DLGAP2: variants seen among roughly 807,000 people sequenced by gnomAD.
DLGAP2 encodes disks large-associated protein 2.
DLGAP2 carries 26 observed loss-of-function variants against 100.3 expected under a neutral mutation model. The observed-to-expected ratio is 0.26, with a 90% CI of 0.19 to 0.36. The LOEUF (loss-of-function observed/expected upper bound fraction) is 0.36. Among genes scored for constraint, DLGAP2 ranks in the 10% least tolerant of loss-of-function variants. The pLI is 1.00. For synonymous variants in DLGAP2, 886 were observed against 630.1 expected, an observed-to-expected ratio of 1.41 and a Z score of -6.08; for missense variants, 1,858 against 1,453.2, an observed-to-expected ratio of 1.28 and a Z score of -4.53.
chr8:1,159,890 A>G (rs1796857227), intron 2 of DLGAP2, among the ~76,000 whole-genome samples: 1 of 152,230 alleles, frequency 6.6e-6, no homozygotes, highest in Non-Finnish European at 1.5e-5. Context: ...TGAAGGAGGC[A>G]TGGACACCAG....
At chr8:800,397 A>G (rs1041503533) in intron 1 of DLGAP2, among the ~76,000 whole-genome samples, 46 of 152,240 alleles carry the variant, frequency 3.0e-4, no homozygotes, top group African/African-American at 1.1e-3. Flanking sequence ...TGTTTGCACA[A>G]TGAGTTTAGA....
chr8:1,001,371 A>G (rs1421198048), intron 2 of DLGAP2, among the ~76,000 whole-genome samples: 1 of 152,224 alleles, frequency 6.6e-6, no homozygotes, highest in Non-Finnish European at 1.5e-5. Context: ...GTATTCATTT[A>G]TGTCTAATTT....
rs74384982 is a variant in DLGAP2, at chr8:1,430,920, C to G, written c.107-70446C>G. On this transcript the variant is annotated intron_variant, in intron 3 of 14. Transcript: ENST00000637795. ...GAAAAGATCTGGTTTCCTATTCTGA[C>G]TCGGCTGTTGACTGTCTCTGGGGTT... Among the ~76,000 whole-genome samples, 1,209 of 152,304 alleles carry G rather than the reference C, an allele frequency of 7.9e-3. 20 individuals are homozygous for G. The highest frequency in any genetic ancestry group is 0.028 in the African/African-American group (1,144 of 41,536).
At chr8:1,274,091 G>A (rs924301021) in intron 3 of DLGAP2, among the ~76,000 whole-genome samples, 9 of 151,700 alleles carry the variant, frequency 5.9e-5, no homozygotes, top group South Asian at 2.1e-4. Flanking sequence ...TCAGCATATC[G>A]GAATTTGCAA....
intron 3 of DLGAP2, among the ~76,000 whole-genome samples, chr8:1,496,773 A>T (rs911645923): frequency 1.3e-5 from 2 of 152,164 alleles, no homozygotes; most frequent in Non-Finnish European, 2.9e-5. Flanking sequence ...CACGCTCTCC[A>T]GGCGGCACCC....
At chr8:1,524,334 G>A (rs1023505630) in intron 4 of DLGAP2, among the ~76,000 whole-genome samples, 5 of 152,110 alleles carry the variant, frequency 3.3e-5, no homozygotes, top group African/African-American at 1.2e-4. Context: ...TGCTGACTGG[G>A]AGGAAGGAGC....
chr8:857,756 A>G (rs1163324098), intron 1 of DLGAP2, among the ~76,000 whole-genome samples: 1 of 152,182 alleles, frequency 6.6e-6, no homozygotes, highest in African/African-American at 2.4e-5. Flanking sequence ...GCCACACTGA[A>G]GACCGCTAGG....
chr8:1,470,453 C>G (rs569554708), intron 3 of DLGAP2, among the ~76,000 whole-genome samples: 2 of 152,222 alleles, frequency 1.3e-5, no homozygotes, highest in South Asian at 2.1e-4. Context: ...AATATCATCC[C>G]TGCTGAAATC....
At chr8:779,614 C>A (rs1372686737) in intron 1 of DLGAP2, among the ~76,000 whole-genome samples, 1 of 152,014 alleles carries the variant, frequency 6.6e-6, no homozygotes, top group Non-Finnish European at 1.5e-5. Context: ...CAGGCATAAG[C>A]CACCATGCCT....
At chr8:1,408,941 C>T (rs1177374005) in intron 3 of DLGAP2, among the ~76,000 whole-genome samples, 2 of 152,364 alleles carry the variant, frequency 1.3e-5, no homozygotes, top group South Asian at 2.1e-4. Context: ...TTGTTGGAGA[C>T]AGTGGACATT....
At chr8:1,050,022 G>A (rs1585013877) in intron 2 of DLGAP2, among the ~76,000 whole-genome samples, 1 of 152,232 alleles carries the variant, frequency 6.6e-6, no homozygotes, top group East Asian at 1.9e-4. Context: ...GTACACACAT[G>A]CGGATATGTG....
At chr8:1,551,171 T>G (rs1381698960) in intron 5 of DLGAP2, among the ~76,000 whole-genome samples, 2 of 152,260 alleles carry the variant, frequency 1.3e-5, no homozygotes, top group Non-Finnish European at 2.9e-5. Flanking sequence ...GCATAAAATA[T>G]TATTTTATAG....
At chr8:783,254 C>T (rs1014805224) in intron 1 of DLGAP2, among the ~76,000 whole-genome samples, 1 of 152,162 alleles carries the variant, frequency 6.6e-6, no homozygotes, top group Non-Finnish European at 1.5e-5. Flanking sequence ...AGAAATACTA[C>T]AGAGAATGGT....
chr8:740,200 G>A (rs367595578), intron 1 of DLGAP2: 3 of 152,180 alleles, frequency 2.0e-5, no homozygotes, highest in Non-Finnish European at 4.4e-5. Flanking sequence ...TCAAAGGAAC[G>A]AAGTAATTAA....
intron 3 of DLGAP2, among the ~76,000 whole-genome samples, chr8:1,298,641 T>G (rs4549803): frequency 0.8 from 121,866 of 151,518 alleles, 49,220 homozygotes; most frequent in African/African-American, 0.87. Context: ...GCTGAGCGTG[T>G]GGGACGGCTC....
At chr8:1,700,841 G>A (rs915895005) in intron 14 of DLGAP2, among the ~76,000 whole-genome samples, 1 of 152,244 alleles carries the variant, frequency 6.6e-6, no homozygotes, top group Non-Finnish European at 1.5e-5. Flanking sequence ...ATGACACAGG[G>A]CTTTGGGAAG....
intron 3 of DLGAP2, among the ~76,000 whole-genome samples, chr8:1,423,195 C>A (rs956975080): frequency 1.3e-5 from 2 of 152,094 alleles, no homozygotes; most frequent in African/African-American, 4.8e-5. Context: ...TTGAATTCAA[C>A]CAGCAGAGAT....
intron 2 of DLGAP2, among the ~76,000 whole-genome samples, chr8:1,073,054 T>C (rs1161357063): frequency 6.6e-6 from 1 of 152,238 alleles, no homozygotes; most frequent in East Asian, 1.9e-4. Flanking sequence ...ACAATCATTA[T>C]AGCACCGTGC....
intron 2 of DLGAP2, among the ~76,000 whole-genome samples, chr8:1,115,877 G>A (rs899331118): frequency 6.6e-6 from 1 of 152,236 alleles, no homozygotes. Flanking sequence ...AGGGGACTGT[G>A]CCAGGTGTAT....
Sources: allele counts gnomAD v4.1 joint callset (sites outside exome capture counted in the v4.1 genomes callset), GRCh38; gene constraint gnomAD v4.1.1; transcripts MANE v1.5; gene names NCBI Gene and HGNC (gene_info 2026-07-23, HGNC 2026-07-21).